The following PAFAH1B1 variants were observed in gnomAD, a reference collection of about 807,000 sequenced individuals.
PAFAH1B1 encodes the protein platelet activating factor acetylhydrolase 1b regulatory subunit 1, also known as platelet-activating factor acetylhydrolase IB subunit beta.
A neutral mutation model predicts 57.5 loss-of-function variants in PAFAH1B1; 2 were observed. The observed-to-expected ratio is 0.03, with a 90% confidence interval of 0.01 to 0.11. The LOEUF (loss-of-function observed/expected upper bound fraction) is 0.11. Ranked by LOEUF, PAFAH1B1 falls within the 10% of genes least tolerant of loss-of-function variation. PAFAH1B1 has a pLI of 1.00. For missense variants in PAFAH1B1, 257 were observed against 512.0 expected (o/e 0.50, Z 4.81); for synonymous variants, 152 against 169.6 (o/e 0.90, Z 0.81).
chr17:2,641,734 T>A (rs2068697634), intron 2 of PAFAH1B1: 2 of 152,194 alleles, frequency 1.3e-5, no homozygotes, highest in African/African-American at 4.8e-5. Context: ...TGGCGCATGA[T>A]ATGTATTAGA....
At chr17:2,670,493 T>G in intron 6 of PAFAH1B1, 162 bp downstream of exon 6, 1 of 674,046 alleles carries the variant, frequency 1.5e-6, no homozygotes, top group South Asian at 1.8e-5. Context: ...CCACAGTAGT[T>G]GAGAGTGCTT....
chr17:2,656,638 A>G (rs1391832196), intron 2 of PAFAH1B1, among the ~76,000 whole-genome samples: 1 of 152,164 alleles, frequency 6.6e-6, no homozygotes, highest in Non-Finnish European at 1.5e-5. Context: ...TCCATCAACA[A>G]TTGGAAGCTA....
chr17:2,599,767 C>T (rs543288487), intron 1 of PAFAH1B1, among the ~76,000 whole-genome samples: 9 of 152,080 alleles, frequency 5.9e-5, no homozygotes, highest in African/African-American at 1.7e-4. Flanking sequence ...GACAAATTAC[C>T]TATACATTTT....
chr17:2,602,477 A>G (rs775706435), intron 1 of PAFAH1B1, among the ~76,000 whole-genome samples: 2 of 152,130 alleles, frequency 1.3e-5, no homozygotes, highest in Non-Finnish European at 2.9e-5. Context: ...TCTATATCCA[A>G]TCAATTACCT....
Position 2,680,178 on chromosome 17 carries a change from C to T in PAFAH1B1, c.1017C>T (p.Asn339=). 1 of 1,614,060 alleles carries T rather than the reference C, an allele frequency of 6.2e-7. No homozygotes were observed. The highest frequency in any genetic ancestry group is 8.5e-7 in the Non-Finnish European group (1 of 1,179,994). Residue 339 remains asparagine, a synonymous_variant, in exon 10 of 11, where the codon AAC becomes AAT. Coordinates refer to ENST00000397195, the MANE Select transcript of PAFAH1B1 (RefSeq NM_000430.4). ...MCLMTLVGHD[N]WVRGVLFHSG... ...TTGTTTTTAAGGTGGGTCATGATAA[C>T]TGGGTACGTGGAGTTCTGTTCCATT...
At chr17:2,594,119 T>G in intron 1 of PAFAH1B1, 113 bp downstream of exon 1, 11 of 349,240 alleles carry the variant, frequency 3.1e-5, no homozygotes, top group Admixed American at 9.6e-5. Context: ...CTCCCTCCCA[T>G]TCTCCCCTCC....
At chr17:2,599,952 A>G (rs1282517519) in intron 1 of PAFAH1B1, among the ~76,000 whole-genome samples, 4 of 149,344 alleles carry the variant, frequency 2.7e-5, no homozygotes, top group African/African-American at 9.8e-5. Context: ...TTTACAGTGC[A>G]GATTAATCCA....
intron 7 of PAFAH1B1, 62 bp from the exon 8 acceptor site, chr17:2,673,998 C>G: frequency 8.6e-7 from 1 of 1,161,236 alleles, no homozygotes; most frequent in East Asian, 2.4e-5. Context: ...ATTTTTATAT[C>G]ACTTCTGGGA....
At chr17:2,673,848 A>G (rs1426679791) in intron 7 of PAFAH1B1, 4 of 545,496 alleles carry the variant, frequency 7.3e-6, no homozygotes, top group East Asian at 3.0e-5. Context: ...TACATATTTT[A>G]TCTTCTAGAT....
chr17:2,602,402 A>G (rs1289704126), intron 1 of PAFAH1B1, among the ~76,000 whole-genome samples: 1 of 152,196 alleles, frequency 6.6e-6, no homozygotes, highest in Non-Finnish European at 1.5e-5. Context: ...TTAGAAGAAT[A>G]TTACTTTTAA....
intron 6 of PAFAH1B1, among the ~76,000 whole-genome samples, chr17:2,672,267 G>A (rs1317428693): frequency 4.0e-5 from 4 of 100,432 alleles, no homozygotes; most frequent in African/African-American, 1.2e-4. Flanking sequence ...CTGGGTAACA[G>A]AGCAAGTCCT....
intron 1 of PAFAH1B1, among the ~76,000 whole-genome samples, chr17:2,624,570 A>C (rs2068464586): frequency 6.6e-6 from 1 of 152,112 alleles, no homozygotes; most frequent in Admixed American, 6.6e-5. Flanking sequence ...CCCCTGATAA[A>C]CCTGTCAGAT....
chr17:2,621,632 T>G (rs2068424847), intron 1 of PAFAH1B1, among the ~76,000 whole-genome samples: 1 of 77,902 alleles, frequency 1.3e-5, no homozygotes, highest in African/African-American at 4.8e-5. Context: ...TTTTTTTTTT[T>G]TTTTTTTTTT....
At position 2,672,883 on chromosome 17, in the gene PAFAH1B1, C is replaced by T. The variant is rs1446205303; in HGVS notation, c.671+126C>T. The T allele has an allele frequency of 1.3e-5, 9 of 696,820 alleles. No individual in the cohort carries two copies. In the Admixed American group the frequency reaches 1.8e-4, roughly 14 times the overall value. 43.2% of individuals were successfully genotyped at this position (696,820 alleles called of 1,614,324 possible). On this transcript the variant is annotated intron_variant, in intron 7 of 10. Transcript: ENST00000397195. ...AGGAATTGAAGACCAGCCTGGCCAA[C>T]ATGATGAAACCCCATCTCTACTAAA...
At chr17:2,673,411 G>A (rs369306094) in intron 7 of PAFAH1B1, among the ~76,000 whole-genome samples, 11 of 151,662 alleles carry the variant, frequency 7.3e-5, no homozygotes, top group East Asian at 5.8e-4. Flanking sequence ...AGGCAGAGGC[G>A]GGCGGATCAT....
At position 2,593,691 on chromosome 17, in the gene PAFAH1B1, G is replaced by C. The variant is rs2068048393; in HGVS notation, c.-506G>C. ...AGCGGCGGGGCGGCGGCGGAGTCCGGCGGCCGGGAGAGCGAGTGAGCGAGC... is the reference window on the plus strand; with the variant it reads ...AGCGGCGGGGCGGCGGCGGAGTCCGCCGGCCGGGAGAGCGAGTGAGCGAGC... On this transcript the variant is annotated 5_prime_UTR_variant, in exon 1 of 11. Transcript: ENST00000397195. 1 of 308,562 alleles carries C rather than the reference G, an allele frequency of 3.2e-6. No homozygotes were observed. The highest frequency in any genetic ancestry group is 5.9e-6 in the Non-Finnish European group (1 of 170,144). The allele number at this position is 308,562 out of a possible 1,614,324, so 19.1% of individuals were successfully genotyped here.
At chr17:2,594,110 TC>T in intron 1 of PAFAH1B1, 104 bp downstream of exon 1, 1 of 389,448 alleles carries the variant, frequency 2.6e-6, no homozygotes, top group Admixed American at 4.5e-5. Context: ...GCCGGTCCCC[TC>T]CCTCCCATTC....
chr17:2,609,024 AT>A (rs1355994497), intron 1 of PAFAH1B1, among the ~76,000 whole-genome samples: 1 of 152,084 alleles, frequency 6.6e-6, no homozygotes, highest in Non-Finnish European at 1.5e-5. Flanking sequence ...GATGGTTAAC[AT>A]TTTTTTGAGC....
chr17:2,595,558 T>A (rs2068076634), intron 1 of PAFAH1B1, among the ~76,000 whole-genome samples: 1 of 152,090 alleles, frequency 6.6e-6, no homozygotes, highest in African/African-American at 2.4e-5. Context: ...AAATTCTGAT[T>A]TGGTTTTAAG....
Sources: gnomAD v4.1 joint callset for allele counts (sites outside exome capture counted in the v4.1 genomes callset) on GRCh38, gnomAD v4.1.1 for gene constraint, MANE v1.5 for transcripts, NCBI Gene and HGNC (gene_info 2026-07-23, HGNC 2026-07-21) for gene names.